The following RSF1 variants were observed in gnomAD, a reference collection of about 807,000 sequenced individuals.
RSF1 encodes remodeling and spacing factor 1, also known as HBV pX-associated protein 8.
A neutral mutation model predicts 145.2 loss-of-function variants in RSF1; 13 were observed. The observed-to-expected ratio is 0.09, with a 90% CI of 0.06 to 0.14. The LOEUF (loss-of-function observed/expected upper bound fraction) is 0.14. Among genes scored for constraint, RSF1 ranks in the 10% least tolerant of loss-of-function variants. The pLI, the probability that RSF1 is intolerant of heterozygous loss-of-function variation, is 1.00. For synonymous variants in RSF1, 577 were observed against 592.6 expected (o/e 0.97, Z 0.38); for missense variants, 1,517 against 1,718.2 (o/e 0.88, Z 2.07).
At chr11:77,752,824 C>T (rs1021365833) in intron 2 of RSF1, among the ~76,000 whole-genome samples, 2 of 152,000 alleles carry the variant, frequency 1.3e-5, no homozygotes, top group Non-Finnish European at 2.9e-5. Context: ...GATAGGAAGT[C>T]GGCACAAGAT....
In RSF1 at chr11:77,660,691, T is replaced by G. The variant is rs894017846; in HGVS notation, c.*6226A>C. 1 of 152,176 alleles carries G rather than the reference T, an allele frequency of 6.6e-6. No homozygotes were observed. The highest frequency in any genetic ancestry group is 1.5e-5 in the Non-Finnish European group (1 of 68,018). 9.4% of individuals were successfully genotyped at this position (152,176 alleles called of 1,614,324 possible). A position where few individuals can be genotyped will look rare whatever the true frequency, so the allele number is the denominator to read the frequency against. ...CCTGAATTCCAGCTATTACTTTAAA[T>G]CAAAATTCTAAAGATACCATTTATA... On this transcript the variant is annotated 3_prime_UTR_variant, in exon 16 of 16. Transcript: ENST00000308488.
chr11:77,805,537 GTTAA>G (rs1300985453), intron 1 of RSF1, among the ~76,000 whole-genome samples: 1 of 152,034 alleles, frequency 6.6e-6, no homozygotes, highest in Non-Finnish European at 1.5e-5. Flanking sequence ...TGCCAAGATA[GTTAA>G]TTAAAGTTAA....
chr11:77,851,594 G>C, the RSF1 span: 1 of 152,084 alleles, frequency 6.6e-6, no homozygotes, highest in Non-Finnish European at 1.5e-5. Context: ...CATGTGGGCA[G>C]TTCCCTCATG....
chr11:77,868,026 CT>C, the RSF1 span, among the ~76,000 whole-genome samples: 12 of 150,482 alleles, frequency 8.0e-5, no homozygotes, highest in Admixed American at 2.6e-4. Flanking sequence ...CTGACTTTAA[CT>C]GTTCTTCTAG....
At chr11:77,838,840 T>C in the RSF1 span, among the ~76,000 whole-genome samples, 3 of 152,048 alleles carry the variant, frequency 2.0e-5, no homozygotes, top group Non-Finnish European at 4.4e-5. Flanking sequence ...ATGGTCTCAA[T>C]CTCCTGACCT....
At chr11:77,806,519 GA>G (rs1051037000) in intron 1 of RSF1, among the ~76,000 whole-genome samples, 3 of 151,474 alleles carry the variant, frequency 2.0e-5, no homozygotes, top group East Asian at 3.9e-4. Flanking sequence ...TATAAAAAAA[GA>G]TTTTTTTTTT....
the RSF1 span, among the ~76,000 whole-genome samples, chr11:77,833,324 A>G: frequency 6.6e-6 from 1 of 152,182 alleles, no homozygotes; most frequent in African/African-American, 2.4e-5. Context: ...TTTTCCTACA[A>G]CTAGATGGTT....
At chr11:77,685,257 C>G in intron 9 of RSF1, 98 bp from the exon 10 acceptor site, 1 of 615,428 alleles carries the variant, frequency 1.6e-6, no homozygotes, top group Non-Finnish European at 2.8e-6. Context: ...TACAATTTCA[C>G]GTTAACAGCA....
At chr11:77,716,903 C>A (rs1040316647) in intron 5 of RSF1, among the ~76,000 whole-genome samples, 7 of 152,092 alleles carry the variant, frequency 4.6e-5, no homozygotes, top group African/African-American at 1.7e-4. Flanking sequence ...CCCAGCCAGG[C>A]ATGCTGGCTC....
intron 15 of RSF1, among the ~76,000 whole-genome samples, chr11:77,670,849 G>C (rs1336553764): frequency 1.3e-5 from 2 of 151,920 alleles, no homozygotes; most frequent in Non-Finnish European, 2.9e-5. Context: ...GCTCACGCCT[G>C]TAATCCCAGC....
At chr11:77,806,973 C>G (rs1405901078) in intron 1 of RSF1, among the ~76,000 whole-genome samples, 1 of 152,098 alleles carries the variant, frequency 6.6e-6, no homozygotes, top group Non-Finnish European at 1.5e-5. Flanking sequence ...AAATACTAGG[C>G]TAGAAATAGA....
chr11:77,791,204 G>C (rs761601055), intron 1 of RSF1, among the ~76,000 whole-genome samples: 1 of 152,130 alleles, frequency 6.6e-6, no homozygotes, highest in Non-Finnish European at 1.5e-5. Flanking sequence ...CTTGACTTCT[G>C]TGCACCCACA....
intron 1 of RSF1, chr11:77,813,600 C>T: frequency 1.5e-6 from 1 of 650,562 alleles, no homozygotes; most frequent in South Asian, 1.6e-5. Context: ...TATGTTGCGG[C>T]TCGTTAGAGT....
At position 77,667,174 on chromosome 11, in the gene RSF1, C is replaced by G. The variant is rs778606210; in HGVS notation, c.4069G>C (p.Val1357Leu). ...EEEDFENVGK[V>L]GSPLDYSLVD... ...AAGCTATAGTCCAATGGGCTCCCCA[C>G]TTTGCCTACATTTTCAAAGTCCTCT... Residue 1357 changes from valine to leucine, a missense_variant, in exon 16 of 16, where the codon GTG becomes CTG. Transcript: ENST00000308488. The G allele has an allele frequency of 1.1e-5, 18 of 1,614,252 alleles. No homozygotes were observed. Among genetic ancestry groups the G allele is most frequent in the African/African-American group, 1.3e-5 (1 of 75,058 alleles).
intron 4 of RSF1, among the ~76,000 whole-genome samples, chr11:77,728,776 T>G (rs546938715): frequency 6.6e-6 from 1 of 151,522 alleles, no homozygotes; most frequent in East Asian, 1.9e-4. Context: ...AAAGGGAGAA[T>G]GAAGAATAAC....
chr11:77,680,933 G>A (rs972948974), intron 11 of RSF1, among the ~76,000 whole-genome samples: 1 of 152,178 alleles, frequency 6.6e-6, no homozygotes, highest in Non-Finnish European at 1.5e-5. Flanking sequence ...CAGCTGTAAG[G>A]TGGCATAATA....
At chr11:77,777,561 C>G (rs1421401124) in intron 1 of RSF1, among the ~76,000 whole-genome samples, 1 of 151,992 alleles carries the variant, frequency 6.6e-6, no homozygotes, top group Non-Finnish European at 1.5e-5. Flanking sequence ...CCATTGCACT[C>G]CAGCCTGGGC....
At chr11:77,695,064 G>A (rs1276690912) in intron 7 of RSF1, among the ~76,000 whole-genome samples, 1 of 152,098 alleles carries the variant, frequency 6.6e-6, no homozygotes, top group Non-Finnish European at 1.5e-5. Flanking sequence ...ACATCTGTTG[G>A]TTTTATCCAC....
At chr11:77,798,853 GGGATAACATTA>G (rs1948599291) in intron 1 of RSF1, among the ~76,000 whole-genome samples, 2 of 151,344 alleles carry the variant, frequency 1.3e-5, no homozygotes, top group Non-Finnish European at 2.9e-5. Context: ...GGATAGGGGA[GGGATAACATTA>G]GGAGACATAC....
Sources: gnomAD v4.1 joint callset for allele counts (sites outside exome capture counted in the v4.1 genomes callset) on GRCh38, gnomAD v4.1.1 for gene constraint, MANE v1.5 for transcripts, NCBI Gene and HGNC (gene_info 2026-07-23, HGNC 2026-07-21) for gene names.